Variants in ITGB3 observed in about 807,000 individuals in gnomAD.
The protein encoded by ITGB3 is integrin subunit beta 3.
Under a neutral mutation model 85.8 loss-of-function variants are expected in ITGB3, and 48 were observed. The ratio of observed to expected loss-of-function variants is 0.56; its 90% CI spans 0.44 to 0.71. The LOEUF is 0.71. ITGB3 is among the 30% of genes least tolerant of loss of function. ITGB3 has a pLI of 0.00. For missense variants in ITGB3, 861 were observed against 1,019.1 expected (o/e 0.84, Z 2.11); for synonymous variants, 363 against 395.6 (o/e 0.92, Z 0.98).
intron 1 of ITGB3, among the ~76,000 whole-genome samples, chr17:47,270,984 T>C (rs1268217180): frequency 1.3e-5 from 2 of 152,222 alleles, no homozygotes; most frequent in Non-Finnish European, 1.5e-5. Flanking sequence ...CAAAACTTCA[T>C]CTATTCCCCT....
chr17:47,280,468 C>A (rs1039342702), intron 2 of ITGB3, among the ~76,000 whole-genome samples: 1 of 152,174 alleles, frequency 6.6e-6, no homozygotes. Context: ...GTGATCCTCC[C>A]ACTTCAGCCT....
At position 47,312,402 on chromosome 17, in the gene ITGB3, TAGG is replaced by T. The variant is rs1158879340; in HGVS notation, c.*2199_*2201del. The stretch of plus-strand genomic sequence containing the variant: ...AATGGCAGTATGGTAGAGGGATAAA[TAGG>T]GGGCGGGGAGGGATAGTCATGGATC... On this transcript the variant is annotated 3_prime_UTR_variant, in exon 15 of 15. Coordinates refer to ENST00000559488, the MANE Select transcript of ITGB3 (RefSeq NM_000212.3). 6.6e-6 allele frequency among the ~76,000 whole-genome samples: 1 copy of T among 152,016 alleles called. No individual in the cohort carries two copies. Among genetic ancestry groups the T allele is most frequent in the Non-Finnish European group, 1.5e-5 (1 of 67,998 alleles).
At chr17:47,302,919 C>A (rs910702519) in intron 13 of ITGB3, 79 bp downstream of exon 13, 10 of 1,554,126 alleles carry the variant, frequency 6.4e-6, no homozygotes, top group Non-Finnish European at 8.8e-6. Flanking sequence ...CTCTACTCAT[C>A]GAAGCTGTTA....
At chr17:47,273,809 A>T (rs541368345) in intron 1 of ITGB3, among the ~76,000 whole-genome samples, 1 of 152,364 alleles carries the variant, frequency 6.6e-6, no homozygotes, top group African/African-American at 2.4e-5. Flanking sequence ...AGCCTTTTCT[A>T]ACATTTCTGC....
chr17:47,275,639 C>G (rs970358233), intron 2 of ITGB3, among the ~76,000 whole-genome samples: 1 of 152,220 alleles, frequency 6.6e-6, no homozygotes, highest in African/African-American at 2.4e-5. Flanking sequence ...AAAAAGGCAA[C>G]CTCCCTGGCC....
intron 13 of ITGB3, among the ~76,000 whole-genome samples, chr17:47,303,069 G>A (rs758145573): frequency 5.9e-5 from 9 of 152,176 alleles, no homozygotes; most frequent in Non-Finnish European, 1.2e-4. Context: ...CCAACATGGT[G>A]AAACCCTGTC....
chr17:47,297,580 C>T (rs185754808), intron 10 of ITGB3, among the ~76,000 whole-genome samples: 9 of 151,956 alleles, frequency 5.9e-5, no homozygotes, highest in South Asian at 2.1e-4. Flanking sequence ...CGCTTGAACA[C>T]GGGAGGTGGG....
chr17:47,286,372 G>C lies in ITGB3; in HGVS notation c.727G>C (p.Asp243His), dbSNP rs1598690937. 1 of 1,614,228 alleles carries C rather than the reference G, an allele frequency of 6.2e-7. No individual in the cohort carries two copies. The highest frequency in any genetic ancestry group is 8.5e-7 in the Non-Finnish European group (1 of 1,180,034). Residue 243 changes from aspartate to histidine, a missense_variant, in exon 5 of 15, where the codon GAT (aspartate) becomes CAT (histidine). Transcript: ENST00000559488. Reference protein sequence around the residue: ...VKKQSVSRNRDAPEGGFDAIM... With the variant: ...VKKQSVSRNRHAPEGGFDAIM... ...GAAGCAGAGTGTGTCACGGAACCGA[G>C]ATGCCCCAGAGGGTGGCTTTGATGC...
At position 47,292,340 on chromosome 17, in the gene ITGB3, T is replaced by C; in HGVS notation, c.1462T>C (p.Cys488Arg). The part of the protein sequence containing the change: ...NGTFECGVCR[C>R]GPGWLGSQCE... ...GACCTTTGAGTGTGGGGTATGCCGT[T>C]GTGGGCCTGGCTGGCTGGGATCCCA... is the stretch of plus-strand genomic sequence containing the variant. Residue 488 changes from cysteine to arginine, a missense_variant, in exon 10 of 15, where the codon TGT becomes CGT. Coordinates refer to ENST00000559488, the MANE Select transcript of ITGB3 (RefSeq NM_000212.3). 1.2e-6 allele frequency: 2 copies of C among 1,614,178 alleles called. No homozygotes were observed. The highest frequency in any genetic ancestry group is 1.7e-6 in the Non-Finnish European group (2 of 1,180,030).
intron 14 of ITGB3, among the ~76,000 whole-genome samples, chr17:47,308,792 C>T (rs1470011130): frequency 6.6e-6 from 1 of 152,176 alleles, no homozygotes; most frequent in Non-Finnish European, 1.5e-5. Context: ...AGCCACTGCG[C>T]CTGGCTAAGA....
At chr17:47,300,843 G>A (rs1187449269) in intron 12 of ITGB3, among the ~76,000 whole-genome samples, 1 of 152,178 alleles carries the variant, frequency 6.6e-6, no homozygotes, top group Non-Finnish European at 1.5e-5. Context: ...AGCAAAGGGA[G>A]CAAGTGCCTC....
intron 2 of ITGB3, among the ~76,000 whole-genome samples, chr17:47,282,076 G>A (rs2065085674): frequency 6.6e-6 from 1 of 152,026 alleles, no homozygotes; most frequent in African/African-American, 2.4e-5. Context: ...CGTCTCCCAA[G>A]TAGCTGGGAC....
In ITGB3 at chr17:47,283,526, G is replaced by A. The variant is rs2065091551; in HGVS notation, c.338G>A (p.Arg113Lys). ...SSQVTQVSPQRIALRLRPDDS... is the reference protein window; with the variant it reads ...SSQVTQVSPQKIALRLRPDDS... ...CAGGTCACTCAAGTCAGTCCCCAGAGGATTGCACTCCGGCTCCGGCCAGGT... is the reference window on the plus strand; with the variant it reads ...CAGGTCACTCAAGTCAGTCCCCAGAAGATTGCACTCCGGCTCCGGCCAGGT... The change falls in exon 3 of 15, where the codon AGG (arginine) becomes AAG (lysine). Residue 113 changes from arginine (R) to lysine (K), a missense_variant. By Grantham distance (26) the Arg-to-Lys change is conservative. Transcript: ENST00000559488. 2 of 1,614,256 alleles carry A rather than the reference G, an allele frequency of 1.2e-6. No homozygotes were observed. The highest frequency in any genetic ancestry group is 2.7e-5 in the African/African-American group (2 of 75,066).
intron 1 of ITGB3, among the ~76,000 whole-genome samples, chr17:47,271,783 G>A (rs528006698): frequency 6.6e-6 from 1 of 152,240 alleles, no homozygotes; most frequent in African/African-American, 2.4e-5. Flanking sequence ...TCTTGCTCTT[G>A]TTGCCCAGGT....
intron 10 of ITGB3, among the ~76,000 whole-genome samples, chr17:47,296,307 C>T (rs2065145723): frequency 6.6e-6 from 1 of 152,208 alleles, no homozygotes; most frequent in Non-Finnish European, 1.5e-5. Context: ...GATCATGGCT[C>T]ACTGCAGCCT....
intron 1 of ITGB3, among the ~76,000 whole-genome samples, chr17:47,269,159 A>C (rs1240997248): frequency 6.6e-6 from 1 of 152,252 alleles, no homozygotes; most frequent in East Asian, 1.9e-4. Flanking sequence ...GGCCCAGCCC[A>C]GGAAACCATT....
chr17:47,292,458 G>T lies in ITGB3; in HGVS notation c.1580G>T (p.Cys527Phe), dbSNP rs1224125442. Residue 527 changes from cysteine (C) to phenylalanine (F), a missense_variant, in exon 10 of 15, where the codon TGC becomes TTC. Cys to Phe is a radical substitution (Grantham distance 205, BLOSUM62 -2). Transcript: ENST00000559488. ...CCCGTCTGCAGCCAGCGGGGCGAGT[G>T]CCTCTGTGGTCAATGTGTCTGCCAC... The part of the protein sequence containing the change: ...GQPVCSQRGE[C>F]LCGQCVCHSS... 6.2e-7 allele frequency: 1 copy of T among 1,609,248 alleles called. No homozygotes were observed. Among genetic ancestry groups the T allele is most frequent in the East Asian group, 2.2e-5 (1 of 44,772 alleles).
intron 14 of ITGB3, among the ~76,000 whole-genome samples, chr17:47,309,895 GAAAAA>G (rs11354112): frequency 2.7e-5 from 3 of 113,054 alleles, no homozygotes; most frequent in African/African-American, 3.1e-5. Context: ...GACCCTGTCT[GAAAAA>G]AAAAAAAAAA....
At position 47,307,477 on chromosome 17, in the gene ITGB3, C is replaced by G. The variant is rs2143150228; in HGVS notation, c.2141C>G (p.Pro714Arg). The change falls in exon 14 of 15, where the codon CCC becomes CGC. Residue 714 changes from proline (P) to arginine (R), a missense_variant. By Grantham distance (103) the Pro-to-Arg change is moderately radical. Coordinates refer to ENST00000559488, the MANE Select transcript of ITGB3 (RefSeq NM_000212.3). ...ILYVVEEPEC[P>R]KGPDILVVLL... is the part of the protein sequence containing the mutation. The stretch of plus-strand genomic sequence containing the variant: ...CTGTGCTTCTTCCTCACAGAGTGTC[C>G]CAAGGGCCCTGACATCCTGGTGGTC... 6.2e-7 allele frequency: 1 copy of G among 1,614,008 alleles called. No individual in the cohort carries two copies. The highest frequency in any genetic ancestry group is 2.2e-5 in the East Asian group (1 of 44,884).
Sources: gnomAD v4.1 joint callset for allele counts (sites outside exome capture counted in the v4.1 genomes callset) on GRCh38, gnomAD v4.1.1 for gene constraint, MANE v1.5 for transcripts, NCBI Gene and HGNC (gene_info 2026-07-23, HGNC 2026-07-21) for gene names.